The following CDC25C variants were observed in gnomAD, a reference collection of about 807,000 sequenced individuals.
The protein encoded by CDC25C is cell division cycle 25C.
A neutral mutation model predicts 52.5 loss-of-function variants in CDC25C; 48 were observed. The ratio of observed to expected loss-of-function variants is 0.91; its 90% CI spans 0.72 to 1.16. The LOEUF (loss-of-function observed/expected upper bound fraction) is 1.16, where lower values mean the gene tolerates loss of function less well. Ranked by LOEUF, CDC25C falls within the 50% of genes most tolerant of loss-of-function variation. The pLI, the probability that CDC25C is intolerant of heterozygous loss-of-function variation, is 0.00. For synonymous variants in CDC25C, 187 were observed against 206.5 expected (o/e 0.91, Z 0.81); for missense variants, 510 against 566.1 (o/e 0.90, Z 1.01).
intron 2 of CDC25C, among the ~76,000 whole-genome samples, chr5:138,330,424 C>T (rs897401501): frequency 7.9e-5 from 12 of 152,118 alleles, no homozygotes; most frequent in Admixed American, 2.0e-4. Flanking sequence ...CGTAATGCAG[C>T]GGTTTTCAAA....
rs1413843308 is a variant in CDC25C at position 138,331,778 on chromosome 5, C to T, written c.-222G>A. 27 of 960,756 alleles carry T rather than the reference C, an allele frequency of 2.8e-5. No individual in the cohort carries two copies. Among genetic ancestry groups the T allele is most frequent in the Non-Finnish European group, 3.2e-5 (26 of 806,530 alleles). The allele number at this position is 960,756 out of a possible 1,614,324, so 59.5% of individuals were successfully genotyped here. A position where few individuals can be genotyped will look rare whatever the true frequency, so the allele number is the denominator to read the frequency against. On this transcript the variant is annotated 5_prime_UTR_variant, in exon 1 of 14. Coordinates refer to ENST00000323760, the MANE Select transcript of CDC25C (RefSeq NM_001790.5). ...CTCAGAGTCTTCCCTGAGCAGAAGGCCAAAGTTACGGCCTCTGAGCAAGAA... is the reference window on the plus strand; with the variant it reads ...CTCAGAGTCTTCCCTGAGCAGAAGGTCAAAGTTACGGCCTCTGAGCAAGAA...
chr5:138,317,511 C>T (rs1418376678), intron 7 of CDC25C, among the ~76,000 whole-genome samples: 2 of 151,522 alleles, frequency 1.3e-5, no homozygotes, highest in African/African-American at 2.4e-5. Flanking sequence ...GAAACCACAT[C>T]GCTACAAAAA....
intron 8 of CDC25C, 124 bp from the exon 9 acceptor site, chr5:138,290,864 G>T: frequency 1.6e-6 from 1 of 623,202 alleles, no homozygotes; most frequent in Non-Finnish European, 2.9e-6. Flanking sequence ...CTGAGGTAGG[G>T]AGATCACTTG....
intron 7 of CDC25C, among the ~76,000 whole-genome samples, chr5:138,318,722 AC>A (rs1391909910): frequency 1.3e-5 from 2 of 152,204 alleles, no homozygotes; most frequent in African/African-American, 2.4e-5. Context: ...CTTAAAAAAA[AC>A]AAACAACAAA....
chr5:138,323,942 A>G (rs1759641857), intron 6 of CDC25C, among the ~76,000 whole-genome samples: 1 of 148,732 alleles, frequency 6.7e-6, no homozygotes, highest in Non-Finnish European at 1.5e-5. Context: ...TGGACAACAG[A>G]GCAAGATTCC....
chr5:138,334,106 G>A (rs150985593), upstream of CDC25C, among the ~76,000 whole-genome samples: 12,616 of 152,028 alleles, frequency 0.083, 711 homozygotes, highest in Non-Finnish European at 0.12. Context: ...GCTGATTTTT[G>A]TATTTTTAAT....
intron 1 of CDC25C, 63 bp from the exon 2 acceptor site, chr5:138,331,281 C>G: frequency 9.0e-7 from 1 of 1,110,846 alleles, no homozygotes; most frequent in South Asian, 1.3e-5. Context: ...TAAACTCCTC[C>G]ACCCTTTCCA....
At chr5:138,328,420 A>T in intron 4 of CDC25C, 64 bp downstream of exon 4, 1 of 1,465,170 alleles carries the variant, frequency 6.8e-7, no homozygotes, top group Non-Finnish European at 9.6e-7. Context: ...TCTGCACAGG[A>T]TAAAATCTCT....
chr5:138,292,197 C>T (rs1192328119), intron 7 of CDC25C, 81 bp from the exon 8 acceptor site: 21 of 1,166,616 alleles, frequency 1.8e-5, no homozygotes, highest in Non-Finnish European at 2.2e-5. Flanking sequence ...CTCCTGGGAG[C>T]TTCTTTGAAA....
intron 3 of CDC25C, 133 bp from the exon 4 acceptor site, chr5:138,328,662 G>T: frequency 2.8e-6 from 2 of 707,356 alleles, no homozygotes; most frequent in Non-Finnish European, 5.0e-6. Flanking sequence ...AAAGCCTCTC[G>T]ATTGGTACCC....
At chr5:138,308,760 G>T (rs1031241678) in intron 7 of CDC25C, among the ~76,000 whole-genome samples, 2 of 152,034 alleles carry the variant, frequency 1.3e-5, no homozygotes, top group African/African-American at 4.8e-5. Context: ...CTATGTTATA[G>T]AACATAACGC....
At chr5:138,305,929 T>C (rs936638139) in intron 7 of CDC25C, among the ~76,000 whole-genome samples, 1 of 152,208 alleles carries the variant, frequency 6.6e-6, no homozygotes, top group Admixed American at 6.5e-5. Context: ...AGACTTTTTA[T>C]GGTGGCTGCA....
At chr5:138,301,907 T>A (rs1322623341) in intron 7 of CDC25C, among the ~76,000 whole-genome samples, 1 of 152,000 alleles carries the variant, frequency 6.6e-6, no homozygotes, top group Non-Finnish European at 1.5e-5. Context: ...TCTCACCATG[T>A]AGGCCAAGCT....
chr5:138,300,365 AC>A (rs1425563761), intron 7 of CDC25C, among the ~76,000 whole-genome samples: 5 of 152,164 alleles, frequency 3.3e-5, no homozygotes, highest in Non-Finnish European at 5.9e-5. Context: ...GGAGTCTAAG[AC>A]CAGCCTGGGC....
rs371108036 is a variant in CDC25C at position 138,299,330 on chromosome 5, T to C, written c.616-7214A>G. ...GGCCAACAGAGTGAAGCCCCATCTC[T>C]ACTAAAAATACAAAAATTAGCCAGG... On this transcript the variant is annotated intron_variant, in intron 7 of 13. Coordinates refer to ENST00000323760, the MANE Select transcript of CDC25C (RefSeq NM_001790.5). Among the ~76,000 whole-genome samples the C allele has an allele frequency of 2.5e-4, 37 of 150,566 alleles. No individual in the cohort carries two copies. In the East Asian group the frequency reaches 5.7e-3, roughly 23 times the overall value.
chr5:138,325,964 C>T, intron 5 of CDC25C, 57 bp downstream of exon 5: 5 of 1,610,638 alleles, frequency 3.1e-6, no homozygotes, highest in Non-Finnish European at 4.2e-6. Flanking sequence ...GCAATGGAAA[C>T]CCTCTGCCTC....
chr5:138,326,123 G>A (rs1759836230), intron 4 of CDC25C, 69 bp from the exon 5 acceptor site: 14 of 1,512,422 alleles, frequency 9.3e-6, no homozygotes, highest in African/African-American at 1.4e-5. Flanking sequence ...CAGTGGATTG[G>A]TGCATCCCAA....
rs150744932 is a variant in CDC25C at position 138,320,045 on chromosome 5, G to A, written c.460-671C>T. Among the ~76,000 whole-genome samples, 32 of 152,282 alleles carry A rather than the reference G, an allele frequency of 2.1e-4. No homozygotes were observed. The East Asian group carries it at 2.9e-3, about 14-fold the overall frequency. ...GCAGGGGCCGGGCGCAGTAGCTCACGCCTGTAATCCCAGTACTTCGGGAGG... is the reference window on the plus strand; with the variant it reads ...GCAGGGGCCGGGCGCAGTAGCTCACACCTGTAATCCCAGTACTTCGGGAGG... On this transcript the variant is annotated intron_variant, in intron 6 of 13. Coordinates refer to ENST00000323760, the MANE Select transcript of CDC25C (RefSeq NM_001790.5).
intron 7 of CDC25C, among the ~76,000 whole-genome samples, chr5:138,300,532 C>A (rs1757552338): frequency 6.6e-6 from 1 of 151,176 alleles, no homozygotes; most frequent in Admixed American, 6.6e-5. Flanking sequence ...TACTGCAGTC[C>A]ATTCTGGGCA....
Sources: gnomAD v4.1 joint callset for allele counts (sites outside exome capture counted in the v4.1 genomes callset) on GRCh38, gnomAD v4.1.1 for gene constraint, MANE v1.5 for transcripts, NCBI Gene and HGNC (gene_info 2026-07-23, HGNC 2026-07-21) for gene names.